Variants in ELAVL2 observed in about 807,000 individuals in gnomAD.
ELAVL2 encodes ELAV like RNA binding protein 2.
Under a neutral mutation model 34.6 loss-of-function variants are expected in ELAVL2, and 4 were observed. The observed-to-expected ratio is 0.12, with a 90% CI of 0.06 to 0.26. The LOEUF is 0.26. Ranked by LOEUF, ELAVL2 falls within the 10% of genes least tolerant of loss-of-function variation. The pLI is 1.00. For missense variants in ELAVL2, 432 were observed against 442.8 expected (o/e 0.98, Z 0.22); for synonymous variants, 193 against 154.8 (o/e 1.25, Z -1.83).
chr9:23,759,961 G>A (rs1588183764), intron 2 of ELAVL2, among the ~76,000 whole-genome samples: 1 of 151,410 alleles, frequency 6.6e-6, no homozygotes, highest in East Asian at 2.0e-4. Flanking sequence ...ACAGGCAGGG[G>A]TCAGAGGTGA....
chr9:23,718,318 T>C (rs114523406), intron 3 of ELAVL2, among the ~76,000 whole-genome samples: 312 of 152,244 alleles, frequency 2.0e-3, no homozygotes, highest in African/African-American at 6.7e-3. Flanking sequence ...AAGTAAACCA[T>C]ACGCTATCCA....
intron 1 of ELAVL2, among the ~76,000 whole-genome samples, chr9:23,799,108 A>AC (rs2061299757): frequency 6.6e-6 from 1 of 152,196 alleles, no homozygotes. Context: ...AGACAGACAT[A>AC]ATATGACTAG....
At chr9:23,770,147 G>C (rs1005897444) in intron 1 of ELAVL2, among the ~76,000 whole-genome samples, 1 of 152,206 alleles carries the variant, frequency 6.6e-6, no homozygotes, top group Non-Finnish European at 1.5e-5. Flanking sequence ...TGGATGGTGT[G>C]TGCAGAACAT....
chr9:23,754,164 C>T (rs911330790), intron 2 of ELAVL2, among the ~76,000 whole-genome samples: 5 of 151,862 alleles, frequency 3.3e-5, no homozygotes, highest in Non-Finnish European at 5.9e-5. Flanking sequence ...TTTATTCTAA[C>T]GGAACAAAAT....
chr9:23,752,620 A>C (rs780725832), intron 2 of ELAVL2, among the ~76,000 whole-genome samples: 9 of 151,946 alleles, frequency 5.9e-5, no homozygotes, highest in African/African-American at 2.2e-4. Flanking sequence ...AAGTCTAGCT[A>C]ATTTTTGTAT....
At chr9:23,829,158 C>T (rs968724303), upstream of ELAVL2, among the ~76,000 whole-genome samples, 22 of 152,112 alleles carry the variant, frequency 1.4e-4, no homozygotes, top group African/African-American at 5.1e-4. Context: ...TTTTGAATTG[C>T]AGCAGAAAAG....
chr9:23,704,844 A>G (rs1278638383), intron 4 of ELAVL2, 74 bp downstream of exon 4: 1 of 1,574,332 alleles, frequency 6.4e-7, no homozygotes, highest in East Asian at 2.3e-5. Flanking sequence ...AGACTGCTAC[A>G]TGGAAAGACA....
chr9:23,726,961 C>A (rs1045792484), intron 3 of ELAVL2, among the ~76,000 whole-genome samples: 1 of 152,000 alleles, frequency 6.6e-6, no homozygotes, highest in Non-Finnish European at 1.5e-5. Flanking sequence ...TGGAGAAAAA[C>A]CTCTCTTCTT....
upstream of ELAVL2, among the ~76,000 whole-genome samples, chr9:23,828,344 A>G (rs962047360): frequency 6.6e-6 from 1 of 152,190 alleles, no homozygotes; most frequent in Non-Finnish European, 1.5e-5. Flanking sequence ...ATTTCAGTAC[A>G]TTGAAGTAAA....
intron 2 of ELAVL2, among the ~76,000 whole-genome samples, chr9:23,755,508 A>C (rs761341496): frequency 6.6e-6 from 1 of 152,226 alleles, no homozygotes. Flanking sequence ...AAAAATAATT[A>C]AGTTTAAAGA....
chr9:23,746,272 T>C (rs140366910), intron 2 of ELAVL2, among the ~76,000 whole-genome samples: 40 of 152,312 alleles, frequency 2.6e-4, no homozygotes, highest in African/African-American at 9.4e-4. Flanking sequence ...TATTCTCTTA[T>C]AGGTCAAATT....
intron 5 of ELAVL2, among the ~76,000 whole-genome samples, chr9:23,700,239 G>C (rs1171650617): frequency 6.6e-6 from 1 of 152,018 alleles, no homozygotes; most frequent in Non-Finnish European, 1.5e-5. Context: ...ATCAGTGTGG[G>C]GTTAGATAGC....
intron 1 of ELAVL2, among the ~76,000 whole-genome samples, chr9:23,792,138 C>T (rs2060399387): frequency 6.6e-6 from 1 of 152,204 alleles, no homozygotes; most frequent in Non-Finnish European, 1.5e-5. Flanking sequence ...AAACATTCAA[C>T]ACTTTTATTA....
At chr9:23,747,890 G>T (rs150687597) in intron 2 of ELAVL2, among the ~76,000 whole-genome samples, 6 of 152,196 alleles carry the variant, frequency 3.9e-5, no homozygotes, top group African/African-American at 1.2e-4. Flanking sequence ...AGAGAAGGCA[G>T]GAGGCCAAGA....
At chr9:23,839,044 G>T in the ELAVL2 span, among the ~76,000 whole-genome samples, 1 of 152,014 alleles carries the variant, frequency 6.6e-6, no homozygotes, top group Admixed American at 6.6e-5. Flanking sequence ...ATTTTGTTTT[G>T]CTATTTAGAA....
In ELAVL2 at chr9:23,826,214, G is replaced by A. The variant is rs1442199253; in HGVS notation, c.-424C>T. ...AGTAAGCTGCTGCATCTCTAACTAAGAACAGAAATAGGGGGGAGGACGTCT... is the reference window on the plus strand; with the variant it reads ...AGTAAGCTGCTGCATCTCTAACTAAAAACAGAAATAGGGGGGAGGACGTCT... On this transcript the variant is annotated 5_prime_UTR_variant, in exon 1 of 7. Transcript: ENST00000397312. 6.6e-6 allele frequency: 1 copy of A among 152,170 alleles called. No individual in the cohort carries two copies. Among genetic ancestry groups the A allele is most frequent in the Non-Finnish European group, 1.5e-5 (1 of 68,028 alleles). 9.4% of individuals were successfully genotyped at this position (152,170 alleles called of 1,614,324 possible).
chr9:23,833,187 T>G, the ELAVL2 span, among the ~76,000 whole-genome samples: 1 of 151,844 alleles, frequency 6.6e-6, no homozygotes. Flanking sequence ...TCCATAAAGT[T>G]ATATTGGTTT....
chr9:23,800,191 C>A lies in ELAVL2; in HGVS notation c.-16+25615G>T, dbSNP rs78388645. Among the ~76,000 whole-genome samples, 151 of 152,240 alleles carry A rather than the reference C, an allele frequency of 9.9e-4. 3 individuals carry two copies. The East Asian group carries it at 0.026, about 26-fold the overall frequency. ...GCATCACAATCAACCTTTCATTATT[C>A]CCATTCTGTAGGTCAGACATCGAAG... On this transcript the variant is annotated intron_variant, in intron 1 of 6. Coordinates refer to ENST00000397312, the MANE Select transcript of ELAVL2 (RefSeq NM_004432.5).
At chr9:23,712,801 A>G (rs892304584) in intron 3 of ELAVL2, among the ~76,000 whole-genome samples, 1 of 152,214 alleles carries the variant, frequency 6.6e-6, no homozygotes, top group Admixed American at 6.5e-5. Context: ...CTTCAACTTA[A>G]AGGCGACCTA....
Sources: gnomAD v4.1 joint callset for allele counts (sites outside exome capture counted in the v4.1 genomes callset) on GRCh38, gnomAD v4.1.1 for gene constraint, MANE v1.5 for transcripts, NCBI Gene and HGNC (gene_info 2026-07-23, HGNC 2026-07-21) for gene names.